Variants in FAM135A observed in about 807,000 individuals in gnomAD.
The protein encoded by FAM135A is family with sequence similarity 135 member A, also known as protein FAM135A.
In FAM135A, 79 loss-of-function variants were observed where a neutral mutation model predicts 146.8. The ratio of observed to expected loss-of-function variants is 0.54; its 90% CI spans 0.45 to 0.65. The LOEUF is 0.65. FAM135A is among the 30% of genes least tolerant of loss of function. The probability of loss-of-function intolerance (pLI) is 0.00; values close to 1 mark genes in which losing one functional copy is unlikely to be tolerated. For missense variants in FAM135A, 1,623 were observed against 1,758.2 expected (o/e 0.92, Z 1.38); for synonymous variants, 562 against 603.6 (o/e 0.93, Z 1.01).
At chr6:70,418,670 C>T (rs1249431373) in intron 2 of FAM135A, among the ~76,000 whole-genome samples, 1 of 152,182 alleles carries the variant, frequency 6.6e-6, no homozygotes, top group Non-Finnish European at 1.5e-5. Context: ...CATGTTTAGT[C>T]TCTGTAAGAG....
At chr6:70,429,451 T>G (rs1770967720) in intron 4 of FAM135A, among the ~76,000 whole-genome samples, 1 of 151,894 alleles carries the variant, frequency 6.6e-6, no homozygotes, top group African/African-American at 2.4e-5. Flanking sequence ...AGACAGAGTT[T>G]GCAGTGAGCC....
intron 8 of FAM135A, among the ~76,000 whole-genome samples, chr6:70,478,142 C>T (rs1782979991): frequency 6.6e-6 from 1 of 152,112 alleles, no homozygotes. Flanking sequence ...AATTTTTACT[C>T]AACCTTTTAA....
intron 20 of FAM135A, among the ~76,000 whole-genome samples, chr6:70,539,841 A>G (rs898065545): frequency 2.0e-5 from 3 of 151,936 alleles, no homozygotes; most frequent in Non-Finnish European, 4.4e-5. Context: ...TAAAAATACA[A>G]AAAAATTAGC....
intron 10 of FAM135A, among the ~76,000 whole-genome samples, chr6:70,487,884 A>G (rs1306288138): frequency 6.6e-6 from 1 of 152,198 alleles, no homozygotes; most frequent in Non-Finnish European, 1.5e-5. Flanking sequence ...TTGGTTGAGT[A>G]GAAAAATACT....
chr6:70,486,572 C>T (rs1015915947), intron 10 of FAM135A, among the ~76,000 whole-genome samples: 5 of 152,080 alleles, frequency 3.3e-5, no homozygotes, highest in Non-Finnish European at 5.9e-5. Flanking sequence ...TTAATGACAT[C>T]GCCTTAAATT....
intron 20 of FAM135A, among the ~76,000 whole-genome samples, chr6:70,549,402 TCA>T (rs1799413911): frequency 6.6e-6 from 1 of 152,070 alleles, no homozygotes; most frequent in African/African-American, 2.4e-5. Flanking sequence ...TACTATAATC[TCA>T]GTTATATTTT....
intron 4 of FAM135A, among the ~76,000 whole-genome samples, chr6:70,428,905 T>C (rs570949269): frequency 6.6e-6 from 1 of 152,374 alleles, no homozygotes; most frequent in East Asian, 1.9e-4. Context: ...TTTGTTTTCA[T>C]CTTTTCACTA....
chr6:70,529,860 A>T (rs1254291912), intron 16 of FAM135A, among the ~76,000 whole-genome samples: 1 of 152,160 alleles, frequency 6.6e-6, no homozygotes, highest in African/African-American at 2.4e-5. Context: ...CAGGAGATCA[A>T]GACCATCCTG....
intron 4 of FAM135A, among the ~76,000 whole-genome samples, chr6:70,436,960 G>A (rs1349673340): frequency 3.3e-5 from 5 of 152,160 alleles, no homozygotes; most frequent in Non-Finnish European, 7.4e-5. Flanking sequence ...AAAGGACTAA[G>A]TGTTATTATG....
chr6:70,501,575 C>T (rs768903890), intron 11 of FAM135A, among the ~76,000 whole-genome samples: 6 of 152,160 alleles, frequency 3.9e-5, no homozygotes, highest in Non-Finnish European at 8.8e-5. Context: ...CAGTGTCTGC[C>T]CAAACAGCTG....
In FAM135A at chr6:70,522,506, T is replaced by A; in HGVS notation, c.1030-7T>A. On this transcript the variant is annotated splice_region_variant and splice_polypyrimidine_tract_variant and intron_variant, in intron 12 of 21. Transcript: ENST00000418814. Reference sequence around the variant, plus strand: ...TGTTATTAATACTCTCCTTTGGAATTTTTTAGGTACGCAGATTTTCTGAGG... The same window carrying A: ...TGTTATTAATACTCTCCTTTGGAATATTTTAGGTACGCAGATTTTCTGAGG... 1 of 1,612,600 alleles carries A rather than the reference T, an allele frequency of 6.2e-7. No homozygotes were observed. The highest frequency in any genetic ancestry group is 1.3e-5 in the African/African-American group (1 of 75,014).
intron 20 of FAM135A, among the ~76,000 whole-genome samples, chr6:70,546,203 G>C (rs1170131440): frequency 2.0e-5 from 3 of 152,040 alleles, no homozygotes; most frequent in African/African-American, 7.2e-5. Context: ...AATAAAACAG[G>C]AAAACATAGA....
chr6:70,551,703 T>C (rs1448212563), intron 20 of FAM135A, among the ~76,000 whole-genome samples: 4 of 152,110 alleles, frequency 2.6e-5, no homozygotes. Flanking sequence ...CCACTTCCCA[T>C]ATAATTGTGT....
chr6:70,501,292 T>A (rs909011861), intron 11 of FAM135A, among the ~76,000 whole-genome samples: 2 of 152,156 alleles, frequency 1.3e-5, no homozygotes, highest in Admixed American at 6.5e-5. Context: ...TCCTTAGCAC[T>A]GTCAGTGGAA....
At chr6:70,444,769 A>G (rs1001955429) in intron 4 of FAM135A, among the ~76,000 whole-genome samples, 1 of 152,186 alleles carries the variant, frequency 6.6e-6, no homozygotes, top group African/African-American at 2.4e-5. Context: ...GATCTTCAAT[A>G]AGTGATGAAC....
chr6:70,557,694 C>CAAAAAAAAAAAAAAAAAAAAAAAAAAAAA (rs1177559650), intron 21 of FAM135A: 1 of 58,138 alleles, frequency 1.7e-5, no homozygotes, highest in African/African-American at 7.1e-5. Flanking sequence ...AACTCTGTCT[C>CAAAAAAAAAAAAAAAAAAAAAAAAAAAAA]AAAAAAAAAA....
chr6:70,516,206 G>A (rs1792173344), intron 12 of FAM135A, among the ~76,000 whole-genome samples: 1 of 152,094 alleles, frequency 6.6e-6, no homozygotes, highest in African/African-American at 2.4e-5. Flanking sequence ...AATTTCTTGG[G>A]AACTTAGATC....
At chr6:70,496,383 CT>C (rs1787271789) in intron 11 of FAM135A, among the ~76,000 whole-genome samples, 2 of 151,902 alleles carry the variant, frequency 1.3e-5, no homozygotes, top group African/African-American at 4.8e-5. Flanking sequence ...GTTTAAGTTC[CT>C]TGTAGATTCT....
chr6:70,529,837 C>T (rs796458966), intron 16 of FAM135A, among the ~76,000 whole-genome samples: 26 of 152,044 alleles, frequency 1.7e-4, no homozygotes, highest in African/African-American at 5.8e-4. Context: ...CTGAGATGGG[C>T]GGATCACAAG....
Sources: gnomAD v4.1 joint callset for allele counts (sites outside exome capture counted in the v4.1 genomes callset) on GRCh38, gnomAD v4.1.1 for gene constraint, MANE v1.5 for transcripts, NCBI Gene and HGNC (gene_info 2026-07-23, HGNC 2026-07-21) for gene names.